The following LIMK2 variants were observed in gnomAD, a reference collection of about 807,000 sequenced individuals.
LIMK2 encodes LIM domain kinase 2.
Under a neutral mutation model 75.7 loss-of-function variants are expected in LIMK2, and 35 were observed. The ratio of observed to expected loss-of-function variants is 0.46; its 90% CI spans 0.35 to 0.61. The LOEUF is 0.61. Ranked by LOEUF, LIMK2 falls within the 20% of genes least tolerant of loss-of-function variation. LIMK2 has a pLI of 0.00. For synonymous variants in LIMK2, 301 were observed against 319.2 expected (o/e 0.94, Z 0.61); for missense variants, 623 against 831.0 (o/e 0.75, Z 3.08).
chr22:31,275,435 A>G, intron 15 of LIMK2, 127 bp downstream of exon 15: 1 of 886,400 alleles, frequency 1.1e-6, no homozygotes, highest in Non-Finnish European at 1.7e-6. Flanking sequence ...TGTGGCTGTC[A>G]ACCCCTGAGC....
intron 11 of LIMK2, among the ~76,000 whole-genome samples, chr22:31,270,837 T>A (rs1601443160): frequency 6.6e-6 from 1 of 151,740 alleles, no homozygotes; most frequent in Non-Finnish European, 1.5e-5. Context: ...ACGGCCAGGG[T>A]TTTCTGAAGT....
chr22:31,220,494 C>CAGA (rs1370640022), intron 1 of LIMK2, among the ~76,000 whole-genome samples: 1 of 152,176 alleles, frequency 6.6e-6, no homozygotes, highest in Admixed American at 6.5e-5. Context: ...AGATACAGTT[C>CAGA]TTACACCTTA....
At chr22:31,246,395 T>C (rs1225629465) in intron 2 of LIMK2, among the ~76,000 whole-genome samples, 1 of 151,936 alleles carries the variant, frequency 6.6e-6, no homozygotes, top group African/African-American at 2.4e-5. Context: ...AAAAAATCTT[T>C]CCATAAGTAA....
chr22:31,234,092 A>G (rs1176879092), intron 2 of LIMK2, among the ~76,000 whole-genome samples: 1 of 152,038 alleles, frequency 6.6e-6, no homozygotes, highest in African/African-American at 2.4e-5. Flanking sequence ...GGCTCACTGC[A>G]ACTTCTGCCT....
chr22:31,273,422 T>A lies in LIMK2; in HGVS notation c.1559-30T>A, dbSNP rs1442571348. 8 of 1,603,806 alleles carry A rather than the reference T, an allele frequency of 5.0e-6. No individual in the cohort carries two copies. In the African/African-American group the frequency reaches 1.1e-4, roughly 21 times the overall value. On this transcript the variant is annotated intron_variant, in intron 13 of 15. Coordinates refer to ENST00000331728, the MANE Select transcript of LIMK2 (RefSeq NM_005569.4). ...TGCAGAGCAGGTAAGGGATGTAAAC[T>A]TAACAGTGTGCTCTCCTGTGTTCCC... is the stretch of plus-strand genomic sequence containing the variant.
intron 7 of LIMK2, among the ~76,000 whole-genome samples, chr22:31,263,082 A>G (rs1002234596): frequency 3.3e-5 from 5 of 152,266 alleles, no homozygotes; most frequent in Non-Finnish European, 5.9e-5. Context: ...AACATGGCCT[A>G]TGGAGAAAGC....
At chr22:31,256,819 C>T (rs1463502085) in intron 2 of LIMK2, among the ~76,000 whole-genome samples, 1 of 152,054 alleles carries the variant, frequency 6.6e-6, no homozygotes, top group Non-Finnish European at 1.5e-5. Flanking sequence ...AATGTGGCCA[C>T]TGTGGAAGGT....
chr22:31,274,001 GTTT>G (rs57281983), intron 14 of LIMK2, among the ~76,000 whole-genome samples: 6 of 139,532 alleles, frequency 4.3e-5, no homozygotes, highest in African/African-American at 5.2e-5. Flanking sequence ...GCCCGGCCAG[GTTT>G]TTTTTTTTTT....
chr22:31,242,390 A>G (rs989885770), intron 2 of LIMK2, among the ~76,000 whole-genome samples: 2 of 152,142 alleles, frequency 1.3e-5, no homozygotes, highest in African/African-American at 4.8e-5. Flanking sequence ...CCAGTTAGCT[A>G]TCTCCATTTT....
chr22:31,214,497 A>T (rs993116341), intron 1 of LIMK2, among the ~76,000 whole-genome samples: 1 of 151,832 alleles, frequency 6.6e-6, no homozygotes, highest in East Asian at 2.0e-4. Context: ...TGGTAGAGAC[A>T]GGGTCTCACT....
At chr22:31,253,202 G>A (rs1440663517) in intron 2 of LIMK2, among the ~76,000 whole-genome samples, 1 of 152,210 alleles carries the variant, frequency 6.6e-6, no homozygotes, top group Non-Finnish European at 1.5e-5. Flanking sequence ...AGGACAGTGG[G>A]ATGACTGGTT....
At chr22:31,257,291 G>A (rs956092282) in intron 2 of LIMK2, among the ~76,000 whole-genome samples, 2 of 151,954 alleles carry the variant, frequency 1.3e-5, no homozygotes, top group African/African-American at 4.8e-5. Context: ...ATATAGAAAA[G>A]TTGAAAATGT....
chr22:31,213,659 C>T (rs923085713), intron 1 of LIMK2, among the ~76,000 whole-genome samples: 3 of 152,100 alleles, frequency 2.0e-5, no homozygotes, highest in African/African-American at 7.2e-5. Context: ...AATCCCAGCA[C>T]TTTGGGAGGG....
At chr22:31,249,149 C>T (rs977752423) in intron 2 of LIMK2, among the ~76,000 whole-genome samples, 13 of 152,138 alleles carry the variant, frequency 8.5e-5, no homozygotes, top group Non-Finnish European at 1.3e-4. Flanking sequence ...TGCTGCCTGC[C>T]CAGGAATTTG....
chr22:31,242,254 C>A (rs1471709125), intron 2 of LIMK2, among the ~76,000 whole-genome samples: 2 of 152,166 alleles, frequency 1.3e-5, no homozygotes, highest in East Asian at 3.9e-4. Context: ...ATGATCAGCT[C>A]CTTTTCTAAG....
At position 31,278,375 on chromosome 22, in the gene LIMK2, A is replaced by G; in HGVS notation, c.1851A>G (p.Ala617=). 6.2e-7 allele frequency: 1 copy of G among 1,613,954 alleles called. No homozygotes were observed. The highest frequency in any genetic ancestry group is 2.2e-5 in the East Asian group (1 of 44,874). The change falls in exon 16 of 16, where the codon GCA becomes GCG. Residue 617 remains alanine (A), a synonymous_variant. Coordinates refer to ENST00000331728, the MANE Select transcript of LIMK2 (RefSeq NM_005569.4). ...YLGELGIPLP[A]ELEELDHTVS... ...GGGAGCTGGGCATCCCGCTGCCTGC[A>G]GAGCTGGAGGAGTTGGACCACACTG...
intron 1 of LIMK2, among the ~76,000 whole-genome samples, chr22:31,220,687 G>A (rs1314838895): frequency 6.6e-6 from 1 of 152,260 alleles, no homozygotes; most frequent in Admixed American, 6.5e-5. Flanking sequence ...AAGGGGCCGG[G>A]AGCAGTGGCT....
At chr22:31,268,864 G>A (rs2048924412) in intron 11 of LIMK2, among the ~76,000 whole-genome samples, 3 of 152,178 alleles carry the variant, frequency 2.0e-5, no homozygotes, top group African/African-American at 7.2e-5. Flanking sequence ...AATCAGTCTG[G>A]TCGCCAAGCC....
chr22:31,275,230 A>G lies in LIMK2; in HGVS notation c.1694A>G (p.Glu565Gly), dbSNP rs1382893293. The G allele has an allele frequency of 6.2e-7, 1 of 1,614,036 alleles. No individual in the cohort carries two copies. Among genetic ancestry groups the G allele is most frequent in the Non-Finnish European group, 8.5e-7 (1 of 1,180,048 alleles). The change falls in exon 15 of 16, where the codon GAG becomes GGG. Residue 565 changes from glutamate to glycine, a missense_variant. By Grantham distance (98) the Glu-to-Gly change is moderately conservative. Coordinates refer to ENST00000331728, the MANE Select transcript of LIMK2 (RefSeq NM_005569.4). ...GGCCTCAACGTGAAGCTTTTCTGGG[A>G]GAAGTTTGTTCCCACAGATTGTCCC... Reference protein sequence around the residue: ...DFGLNVKLFWEKFVPTDCPPA... With the variant: ...DFGLNVKLFWGKFVPTDCPPA...
Sources: gnomAD v4.1 joint callset for allele counts (sites outside exome capture counted in the v4.1 genomes callset) on GRCh38, gnomAD v4.1.1 for gene constraint, MANE v1.5 for transcripts, NCBI Gene and HGNC (gene_info 2026-07-23, HGNC 2026-07-21) for gene names.